Variants in DFFA observed in about 807,000 individuals in gnomAD.
DFFA encodes the protein DNA fragmentation factor subunit alpha.
DFFA carries 14 observed loss-of-function variants against 28.0 expected under a neutral mutation model. The observed-to-expected ratio is 0.50, with a 90% CI of 0.33 to 0.78. The LOEUF (loss-of-function observed/expected upper bound fraction) is 0.78. Among genes scored for constraint, DFFA ranks in the 30% least tolerant of loss-of-function variants. The pLI, the probability that DFFA is intolerant of heterozygous loss-of-function variation, is 0.02. For synonymous variants in DFFA, 158 were observed against 170.3 expected (o/e 0.93, Z 0.56); for missense variants, 395 against 407.1 (o/e 0.97, Z 0.26).
At chr1:10,464,290 C>T (rs1640992721) in intron 3 of DFFA, among the ~76,000 whole-genome samples, 1 of 151,248 alleles carries the variant, frequency 6.6e-6, no homozygotes, top group Non-Finnish European at 1.5e-5. Flanking sequence ...GACGGGGTTT[C>T]ACCGTGTTAG....
rs1641109537 is a variant in DFFA, at chr1:10,472,298, C to G, written c.136+25G>C. On this transcript the variant is annotated intron_variant, in intron 1 of 5. Coordinates refer to ENST00000377038, the MANE Select transcript of DFFA (RefSeq NM_004401.3). This position sits in a 1 kb window ranked among gnomAD's most constrained non-coding sequence, Gnocchi z 5.0. ...CTCACCCGGCCCTGGCTCCCCCACA[C>G]CCTCGCCCGGGGTCCCGAGCCAACC... is the stretch of plus-strand genomic sequence containing the variant. The G allele has an allele frequency of 6.4e-7, 1 of 1,562,046 alleles. No individual in the cohort carries two copies. Among genetic ancestry groups the G allele is most frequent in the Admixed American group, 1.8e-5 (1 of 55,460 alleles).
rs1432017056 is a variant in DFFA at position 10,458,488 on chromosome 1, TTTAA to T, written c.*2998_*3001del. On this transcript the variant is annotated 3_prime_UTR_variant, in exon 6 of 6. Coordinates refer to ENST00000377038, the MANE Select transcript of DFFA (RefSeq NM_004401.3). The stretch of plus-strand genomic sequence containing the variant: ...AAAGGAAACAGTTGTTTTTGTTCTA[TTTAA>T]TTGTTTTCTGTACCCCCATCTTTAC... 1.3e-5 allele frequency: 2 copies of T among 152,070 alleles called. No homozygotes were observed. The highest frequency in any genetic ancestry group is 2.4e-5 in the African/African-American group (1 of 41,418). The allele number at this position is 152,070 out of a possible 1,614,324, so 9.4% of individuals were successfully genotyped here. A position where few individuals can be genotyped will look rare whatever the true frequency, so the allele number is the denominator to read the frequency against.
At chr1:10,466,408 C>T (rs1349001543) in intron 3 of DFFA, among the ~76,000 whole-genome samples, 1 of 151,838 alleles carries the variant, frequency 6.6e-6, no homozygotes, top group African/African-American at 2.4e-5. Flanking sequence ...CCAGGATGGT[C>T]TCGATCTCCT....
rs1641108194 is a variant in DFFA at position 10,472,224 on chromosome 1, G to A, written c.136+99C>T. The A allele has an allele frequency of 7.1e-7, 1 of 1,402,186 alleles. No homozygotes were observed. The allele number at this position is 1,402,186 out of a possible 1,614,324, so 86.9% of individuals were successfully genotyped here. ...TCCCAAGCCTCCACCCGAGATACAA[G>A]AATCCCCAAGTCGCCTCTCCTGACC... On this transcript the variant is annotated intron_variant, in intron 1 of 5. Transcript: ENST00000377038. This position sits in a 1 kb window ranked among gnomAD's most constrained non-coding sequence, Gnocchi z 5.0.
At position 10,458,461 on chromosome 1, in the gene DFFA, G is replaced by C. The variant is rs1640886983; in HGVS notation, c.*3029C>G. 6.6e-6 allele frequency: 1 copy of C among 151,612 alleles called. No individual in the cohort carries two copies. Among genetic ancestry groups the C allele is most frequent in the African/African-American group, 2.4e-5 (1 of 41,240 alleles). The allele number at this position is 151,612 out of a possible 1,614,324, so 9.4% of individuals were successfully genotyped here. ...GATCTAAGCCCTTCTTGAATCACAGGAAAAGGAAACAGTTGTTTTTGTTCT... is the reference window on the plus strand; with the variant it reads ...GATCTAAGCCCTTCTTGAATCACAGCAAAAGGAAACAGTTGTTTTTGTTCT... On this transcript the variant is annotated 3_prime_UTR_variant, in exon 6 of 6. Coordinates refer to ENST00000377038, the MANE Select transcript of DFFA (RefSeq NM_004401.3).
chr1:10,472,157 C>T lies in DFFA; in HGVS notation c.136+166G>A. 2 of 778,784 alleles carry T rather than the reference C, an allele frequency of 2.6e-6. No individual in the cohort carries two copies. The highest frequency in any genetic ancestry group is 3.8e-6 in the Non-Finnish European group (2 of 526,314). 48.2% of individuals were successfully genotyped at this position (778,784 alleles called of 1,614,324 possible). ...ACACGAGATTAATTACGCTCAAGCG[C>T]CTTAAATCTGTAAATCGCTATGCCC... On this transcript the variant is annotated intron_variant, in intron 1 of 5. Transcript: ENST00000377038. The surrounding 1 kb of genome is among the most constrained non-coding windows in gnomAD (Gnocchi z 5.0).
chr1:10,461,334 T>G lies in DFFA; in HGVS notation c.*156A>C. Reference sequence around the variant, plus strand: ...AAGCTGGTGGGGCTAAAAAAAAAATTGGTGGAACGGCGTATGTTGAGACCT... The same window carrying G: ...AAGCTGGTGGGGCTAAAAAAAAAATGGGTGGAACGGCGTATGTTGAGACCT... On this transcript the variant is annotated 3_prime_UTR_variant, in exon 6 of 6. Transcript: ENST00000377038. 1.5e-6 allele frequency: 2 copies of G among 1,321,904 alleles called. No individual in the cohort carries two copies. The highest frequency in any genetic ancestry group is 1.0e-6 in the Non-Finnish European group (1 of 1,001,198). 81.9% of individuals were successfully genotyped at this position (1,321,904 alleles called of 1,614,324 possible).
At chr1:10,462,370 G>A (rs1640959924) in intron 5 of DFFA, 1 of 947,620 alleles carries the variant, frequency 1.1e-6, no homozygotes, top group African/African-American at 1.8e-5. Flanking sequence ...GACCTCAGGT[G>A]ATCCACCTGC....
chr1:10,465,355 C>G (rs937518792), intron 3 of DFFA, among the ~76,000 whole-genome samples: 8 of 152,114 alleles, frequency 5.3e-5, no homozygotes, highest in Non-Finnish European at 1.2e-4. Flanking sequence ...CTACCTCCCC[C>G]TCCCAGGTCA....
rs1235831805 is a variant in DFFA at position 10,461,172 on chromosome 1, T to A, written c.*318A>T. Reference sequence around the variant, plus strand: ...CGATCCGCCCCCCTCGGCCTCCCAGTGCTGGGATTACAGGCGTGAGCCACT... The same window carrying A: ...CGATCCGCCCCCCTCGGCCTCCCAGAGCTGGGATTACAGGCGTGAGCCACT... On this transcript the variant is annotated 3_prime_UTR_variant, in exon 6 of 6. Coordinates refer to ENST00000377038, the MANE Select transcript of DFFA (RefSeq NM_004401.3). The A allele has an allele frequency of 8.2e-6, 2 of 243,414 alleles. No homozygotes were observed. Among genetic ancestry groups the A allele is most frequent in the Non-Finnish European group, 1.6e-5 (2 of 122,634 alleles). 15.1% of individuals were successfully genotyped at this position (243,414 alleles called of 1,614,324 possible). A position where few individuals can be genotyped will look rare whatever the true frequency, so the allele number is the denominator to read the frequency against.
rs1254685715 is a variant in DFFA, at chr1:10,460,065, C to CA, written c.*1424dup. The CA allele has an allele frequency of 1.3e-5, 2 of 151,684 alleles. No individual in the cohort carries two copies. The highest frequency in any genetic ancestry group is 4.0e-4 in the East Asian group (2 of 5,016). 9.4% of individuals were successfully genotyped at this position (151,684 alleles called of 1,614,324 possible). The stretch of plus-strand genomic sequence containing the variant: ...TTTGAGACCAGCCTGGCCAATGTGA[C>CA]AAAACCCTGTCTCTACTAAAAATAC... On this transcript the variant is annotated 3_prime_UTR_variant, in exon 6 of 6. Coordinates refer to ENST00000377038, the MANE Select transcript of DFFA (RefSeq NM_004401.3).
rs749301775 is a variant in DFFA, at chr1:10,463,039, G to A, written c.783+19C>T. Reference sequence around the variant, plus strand: ...GGCATGTCCTCCTCTGTAGCTCAGTGACCCTGGTTTCCGCCCACCTCCAAA... The same window carrying A: ...GGCATGTCCTCCTCTGTAGCTCAGTAACCCTGGTTTCCGCCCACCTCCAAA... On this transcript the variant is annotated intron_variant, in intron 5 of 5. Coordinates refer to ENST00000377038, the MANE Select transcript of DFFA (RefSeq NM_004401.3). The A allele has an allele frequency of 1.2e-6, 2 of 1,613,868 alleles. No homozygotes were observed. The highest frequency in any genetic ancestry group is 2.2e-5 in the South Asian group (2 of 91,068).
chr1:10,471,533 CAT>C (rs1329392264), intron 1 of DFFA, among the ~76,000 whole-genome samples: 1 of 152,120 alleles, frequency 6.6e-6, no homozygotes, highest in African/African-American at 2.4e-5. Flanking sequence ...TGAAAATTTC[CAT>C]ATGATTTCTG....
chr1:10,462,864 G>C, intron 5 of DFFA, 194 bp downstream of exon 5: 1 of 1,416,136 alleles, frequency 7.1e-7, no homozygotes. Flanking sequence ...GGAAGTGTAT[G>C]CATTTTTCTT....
intron 4 of DFFA, 94 bp from the exon 5 acceptor site, chr1:10,463,303 C>T (rs575741425): frequency 2.1e-4 from 324 of 1,558,364 alleles, no homozygotes; most frequent in Non-Finnish European, 2.5e-4. Flanking sequence ...AAGAGAGAAA[C>T]GTGCCCGTCC....
At chr1:10,471,150 A>G (rs1641093521) in intron 1 of DFFA, among the ~76,000 whole-genome samples, 1 of 152,146 alleles carries the variant, frequency 6.6e-6, no homozygotes, top group Non-Finnish European at 1.5e-5. Context: ...GAAAGTATAA[A>G]AGAAGTGGAA....
At chr1:10,469,529 CT>C (rs987834283) in intron 1 of DFFA, among the ~76,000 whole-genome samples, 191 bp from the exon 2 acceptor site, 1 of 151,288 alleles carries the variant, frequency 6.6e-6, no homozygotes, top group Non-Finnish European at 1.5e-5. Context: ...GTGTTCTTTT[CT>C]TTTTTTTTGT....
rs1486003811 is a variant in DFFA, at chr1:10,463,544, T to A, written c.518A>T (p.His173Leu). Reference sequence around the variant, plus strand: ...TTGGTCAAGCACCTGTTGGAGTGTGTGCTGCAGCCGCTGGACGGTGGCACA... The same window carrying A: ...TTGGTCAAGCACCTGTTGGAGTGTGAGCTGCAGCCGCTGGACGGTGGCACA... ...QSCATVQRLQHTLQQVLDQRE... is the reference protein window; with the variant it reads ...QSCATVQRLQLTLQQVLDQRE... Residue 173 changes from histidine (H) to leucine (L), a missense_variant, in exon 4 of 6, where the codon CAC becomes CTC. Coordinates refer to ENST00000377038, the MANE Select transcript of DFFA (RefSeq NM_004401.3). The A allele has an allele frequency of 1.2e-6, 2 of 1,614,102 alleles. No homozygotes were observed. The highest frequency in any genetic ancestry group is 2.7e-5 in the African/African-American group (2 of 74,948).
chr1:10,471,865 G>A (rs1641103035), intron 1 of DFFA, among the ~76,000 whole-genome samples: 1 of 152,140 alleles, frequency 6.6e-6, no homozygotes, highest in South Asian at 2.1e-4. Flanking sequence ...TACAACTCAC[G>A]TTCCTTGTCT....
Sources: allele counts gnomAD v4.1 joint callset (sites outside exome capture counted in the v4.1 genomes callset), GRCh38; gene constraint gnomAD v4.1.1; non-coding constraint Gnocchi (gnomAD v3.1); transcripts MANE v1.5; gene names NCBI Gene and HGNC (gene_info 2026-07-23, HGNC 2026-07-21).